SHCBP1L: variants seen among roughly 807,000 people sequenced by gnomAD.
The protein encoded by SHCBP1L is testicular spindle-associated protein SHCBP1L.
SHCBP1L carries 67 observed loss-of-function variants against 62.5 expected under a neutral mutation model. The ratio of observed to expected loss-of-function variants is 1.07; its 90% CI spans 0.88 to 1.31. The LOEUF is 1.31. Among genes scored for constraint, SHCBP1L ranks in the 40% most tolerant of loss-of-function variants. The pLI is 0.00. For missense variants in SHCBP1L, 823 were observed against 809.8 expected, an observed-to-expected ratio of 1.02 and a Z score of -0.20; for synonymous variants, 284 against 289.4, an observed-to-expected ratio of 0.98 and a Z score of 0.19.
Position 182,903,135 on chromosome 1 carries a change from T to A in SHCBP1L, c.1614A>T (p.Gly538=). 1 of 1,600,086 alleles carries A rather than the reference T, an allele frequency of 6.2e-7. No homozygotes were observed. The highest frequency in any genetic ancestry group is 8.5e-7 in the Non-Finnish European group (1 of 1,172,798). ...CATTTCTTTCCAAAATAGCTATGCT[T>A]CCAGGATACAGTTCAACACCAGCAC... ...AQGAGVELYP[G]SIAILERNEI... Residue 538 remains glycine (G), a synonymous_variant, in exon 9 of 10, where the codon GGA becomes GGT. Coordinates refer to ENST00000367547, the MANE Select transcript of SHCBP1L (RefSeq NM_030933.4).
chr1:182,923,870 T>G (rs1650593446), intron 6 of SHCBP1L, among the ~76,000 whole-genome samples: 1 of 152,156 alleles, frequency 6.6e-6, no homozygotes, highest in Non-Finnish European at 1.5e-5. Context: ...AACACAGTAC[T>G]GGAAGTCCTA....
At chr1:182,937,516 T>C (rs1651218507) in intron 5 of SHCBP1L, among the ~76,000 whole-genome samples, 1 of 152,180 alleles carries the variant, frequency 6.6e-6, no homozygotes, top group African/African-American at 2.4e-5. Context: ...ATTTATCCTG[T>C]TTGGTGTTCT....
At chr1:182,909,842 A>C (rs1269963183) in intron 6 of SHCBP1L, among the ~76,000 whole-genome samples, 1 of 152,232 alleles carries the variant, frequency 6.6e-6, no homozygotes, top group African/African-American at 2.4e-5. Context: ...GCAATTGGCC[A>C]GAGGGAGATT....
chr1:182,929,737 G>C lies in SHCBP1L; in HGVS notation c.1092C>G (p.Phe364Leu). 6.3e-7 allele frequency: 1 copy of C among 1,589,932 alleles called. No homozygotes were observed. Among genetic ancestry groups the C allele is most frequent in the Non-Finnish European group, 8.5e-7 (1 of 1,172,536 alleles). ...TCCTACGCCTCAGAATTCTTGGAAA[G>C]AAAGGTCCATGAACTCTATAGTTGA... ...EDLRLRVHGPFFPRILRRRKG... is the reference protein window; with the variant it reads ...EDLRLRVHGPLFPRILRRRKG... Residue 364 changes from phenylalanine to leucine, a missense_variant, in exon 6 of 10, where the codon TTC (phenylalanine) becomes TTG (leucine). Physicochemically the swap from Phe to Leu is conservative, Grantham distance 22. Transcript: ENST00000367547.
At chr1:182,900,653 G>C (rs991808487) in intron 9 of SHCBP1L, among the ~76,000 whole-genome samples, 1 of 152,052 alleles carries the variant, frequency 6.6e-6, no homozygotes, top group Non-Finnish European at 1.5e-5. Context: ...GGCTGGTCTC[G>C]AGCTCCTGAC....
intron 6 of SHCBP1L, among the ~76,000 whole-genome samples, chr1:182,918,225 C>CAT (rs200600783): frequency 8.5e-5 from 12 of 140,930 alleles, no homozygotes; most frequent in East Asian, 4.2e-4. Context: ...TATATATACA[C>CAT]ATATATATAT....
intron 6 of SHCBP1L, among the ~76,000 whole-genome samples, chr1:182,927,099 TA>T: frequency 1.8e-5 from 1 of 56,410 alleles, no homozygotes; most frequent in Non-Finnish European, 3.6e-5. Flanking sequence ...TATATATATA[TA>T]TATATATATA....
At position 182,939,182 on chromosome 1, in the gene SHCBP1L, C is replaced by G. The variant is rs369915192; in HGVS notation, c.1070G>C (p.Arg357Pro). The G allele has an allele frequency of 1.1e-5, 17 of 1,607,622 alleles. No homozygotes were observed. In the East Asian group the frequency reaches 1.8e-4, roughly 17 times the overall value. ...AAATAGAGCAAATTATTACCGGAGG[C>G]GTAAATCTTCCCACATTTTCAGTAA... Reference protein sequence around the residue: ...CGLLKMWEDLRLRVHGPFFPR... With the variant: ...CGLLKMWEDLPLRVHGPFFPR... Residue 357 changes from arginine (R) to proline (P), a missense_variant, in exon 5 of 10, where the codon CGC (arginine) becomes CCC (proline). Arg to Pro is a moderately radical substitution (Grantham distance 103, BLOSUM62 -2). Transcript: ENST00000367547.
intron 6 of SHCBP1L, among the ~76,000 whole-genome samples, chr1:182,925,438 C>CATCTTCAG (rs1315369278): frequency 6.6e-6 from 1 of 152,086 alleles, no homozygotes; most frequent in Non-Finnish European, 1.5e-5. Flanking sequence ...AGATGTTCAG[C>CATCTTCAG]ATCTTCAACA....
chr1:182,952,213 TATATATATATATATATATATATACAC>T (rs1284335467), intron 1 of SHCBP1L, among the ~76,000 whole-genome samples: 70 of 54,412 alleles, frequency 1.3e-3, no homozygotes, highest in African/African-American at 8.8e-3. Flanking sequence ...TATATATATA[TATATATATATATATATATATATACAC>T]ACACACACAC....
At chr1:182,952,615 A>C (rs1651814588) in intron 1 of SHCBP1L, 114 bp downstream of exon 1, 1 of 1,287,504 alleles carries the variant, frequency 7.8e-7, no homozygotes, top group South Asian at 1.6e-5. Flanking sequence ...TTTGAAACGC[A>C]AGTTTTCGTT....
intron 2 of SHCBP1L, among the ~76,000 whole-genome samples, chr1:182,949,861 A>AT (rs1250527244): frequency 1.5e-5 from 2 of 133,528 alleles, no homozygotes; most frequent in Non-Finnish European, 3.1e-5. Context: ...GGGCCTCACT[A>AT]TGTCACCCAG....
chr1:182,952,881 C>T lies in SHCBP1L; in HGVS notation c.253G>A (p.Ala85Thr). The T allele has an allele frequency of 1.3e-6, 2 of 1,594,776 alleles. No individual in the cohort carries two copies. Among genetic ancestry groups the T allele is most frequent in the Middle Eastern group, 3.3e-4 (2 of 5,994 alleles). Residue 85 changes from alanine (A) to threonine (T), a missense_variant, in exon 1 of 10, where the codon GCG becomes ACG. Ala to Thr is a moderately conservative substitution (Grantham distance 58). Coordinates refer to ENST00000367547, the MANE Select transcript of SHCBP1L (RefSeq NM_030933.4). ...AAQAEDTGEA[A>T]AAAAEEPLLP... ...AGGGGCTCCTCCGCCGCCGCCGCCGCCGCCTCTCCCGTGTCCTCGGCCTGA... is the reference window on the plus strand; with the variant it reads ...AGGGGCTCCTCCGCCGCCGCCGCCGTCGCCTCTCCCGTGTCCTCGGCCTGA...
chr1:182,913,892 A>G (rs1650270639), intron 6 of SHCBP1L, among the ~76,000 whole-genome samples: 2 of 152,210 alleles, frequency 1.3e-5, no homozygotes, highest in Admixed American at 6.5e-5. Context: ...GAGGTAGGAG[A>G]ATTGCTTGAA....
chr1:182,905,167 A>G (rs1298898366), intron 7 of SHCBP1L, among the ~76,000 whole-genome samples: 1 of 152,136 alleles, frequency 6.6e-6, no homozygotes, highest in Admixed American at 6.5e-5. Flanking sequence ...CTGCTTTTCT[A>G]CTTCTGTTTT....
intron 1 of SHCBP1L, among the ~76,000 whole-genome samples, chr1:182,951,777 T>C (rs1222454099): frequency 6.6e-6 from 1 of 152,090 alleles, no homozygotes; most frequent in Non-Finnish European, 1.5e-5. Context: ...GTACACAAAT[T>C]CTTCTGCTAC....
chr1:182,900,380 A>G (rs1649790604), intron 9 of SHCBP1L, 146 bp from the exon 10 acceptor site: 1 of 629,074 alleles, frequency 1.6e-6, no homozygotes, highest in African/African-American at 1.9e-5. Flanking sequence ...ACAAGTGTTA[A>G]GTACTGTTTT....
intron 6 of SHCBP1L, among the ~76,000 whole-genome samples, chr1:182,912,448 A>G (rs1349896090): frequency 6.6e-6 from 1 of 152,116 alleles, no homozygotes; most frequent in Non-Finnish European, 1.5e-5. Context: ...ATATACCTGG[A>G]GGAGGGCATG....
intron 6 of SHCBP1L, among the ~76,000 whole-genome samples, chr1:182,912,180 G>A (rs539452181): frequency 1.6e-4 from 24 of 152,270 alleles, no homozygotes; most frequent in Middle Eastern, 6.8e-3. Flanking sequence ...GGTGGCTCAC[G>A]CCTGTACTCC....
Sources: allele counts gnomAD v4.1 joint callset (sites outside exome capture counted in the v4.1 genomes callset), GRCh38; gene constraint gnomAD v4.1.1; transcripts MANE v1.5; gene names NCBI Gene and HGNC (gene_info 2026-07-23, HGNC 2026-07-21).